The following PTGFR variants were observed in gnomAD, a reference collection of about 807,000 sequenced individuals.
PTGFR encodes the protein prostaglandin F receptor, also known as prostaglandin F2-alpha receptor.
Under a neutral mutation model 26.2 loss-of-function variants are expected in PTGFR, and 15 were observed. That is an observed-to-expected ratio of 0.57 (90% confidence interval 0.38 to 0.88). PTGFR has a LOEUF of 0.88. PTGFR is among the 40% of genes least tolerant of loss of function. PTGFR has a pLI of 0.00. For missense variants in PTGFR, 369 were observed against 427.2 expected (o/e 0.86, Z 1.20); for synonymous variants, 165 against 151.1 (o/e 1.09, Z -0.68).
At chr1:78,501,164 G>A (rs1649695694) in intron 2 of PTGFR, among the ~76,000 whole-genome samples, 1 of 152,036 alleles carries the variant, frequency 6.6e-6, no homozygotes, top group African/African-American at 2.4e-5. Context: ...CTGGCTTAAA[G>A]GGTTTTGGGC....
intron 2 of PTGFR, among the ~76,000 whole-genome samples, chr1:78,516,799 AG>A (rs1177442671): frequency 1.3e-5 from 2 of 152,126 alleles, no homozygotes; most frequent in Admixed American, 6.6e-5. Context: ...TGTCATTGAA[AG>A]GTTAAAACCA....
chr1:78,519,446 T>C (rs918844464), intron 2 of PTGFR, among the ~76,000 whole-genome samples: 3 of 152,170 alleles, frequency 2.0e-5, no homozygotes, highest in Non-Finnish European at 4.4e-5. Context: ...TTTCACATAA[T>C]ATCTGGTAAG....
At chr1:78,522,018 T>C (rs1301886540) in intron 2 of PTGFR, among the ~76,000 whole-genome samples, 1 of 151,324 alleles carries the variant, frequency 6.6e-6, no homozygotes, top group African/African-American at 2.5e-5. Context: ...GTGTCTGAGA[T>C]GAAGGTAGGA....
intron 2 of PTGFR, among the ~76,000 whole-genome samples, chr1:78,530,111 TA>T (rs1650467979): frequency 6.6e-6 from 1 of 151,914 alleles, no homozygotes; most frequent in Admixed American, 6.6e-5. Context: ...ATGGGACAGA[TA>T]AGAAGAAGGA....
intron 2 of PTGFR, 124 bp from the exon 3 acceptor site, chr1:78,536,282 A>AC (rs35093399): frequency 0.042 from 37,895 of 908,602 alleles, 998 homozygotes; most frequent in Non-Finnish European, 0.055. Flanking sequence ...TTCTGTCAGT[A>AC]TTTTAAACAA....
intron 2 of PTGFR, among the ~76,000 whole-genome samples, chr1:78,494,588 C>T (rs1255831502): frequency 6.6e-6 from 1 of 151,910 alleles, no homozygotes; most frequent in Non-Finnish European, 1.5e-5. Context: ...AGAATTGTTG[C>T]TAGTGCAGGT....
intron 2 of PTGFR, among the ~76,000 whole-genome samples, chr1:78,501,256 T>G (rs1442471144): frequency 2.0e-5 from 3 of 152,216 alleles, no homozygotes; most frequent in Admixed American, 6.5e-5. Flanking sequence ...CAGTTTTAGC[T>G]TTATTTGCTT....
intron 2 of PTGFR, among the ~76,000 whole-genome samples, chr1:78,499,844 C>T (rs1381589503): frequency 6.6e-6 from 1 of 152,128 alleles, no homozygotes; most frequent in East Asian, 1.9e-4. Context: ...CCAAATGGTG[C>T]TTGGTGGCTT....
At chr1:78,528,316 A>T (rs924268198) in intron 2 of PTGFR, among the ~76,000 whole-genome samples, 1 of 150,146 alleles carries the variant, frequency 6.7e-6, no homozygotes, top group African/African-American at 2.4e-5. Flanking sequence ...AAAAAAAAAA[A>T]AAAAAAGCAC....
At chr1:78,499,371 T>G (rs1195963042) in intron 2 of PTGFR, among the ~76,000 whole-genome samples, 1 of 152,266 alleles carries the variant, frequency 6.6e-6, no homozygotes, top group Non-Finnish European at 1.5e-5. Flanking sequence ...TGGTTGTTGC[T>G]GGGCTTTTGC....
intron 2 of PTGFR, among the ~76,000 whole-genome samples, chr1:78,524,906 A>ATTTTTTTTTTTTTTTTTTT (rs35641651): frequency 8.5e-5 from 6 of 70,522 alleles, no homozygotes; most frequent in Admixed American, 2.2e-4. Flanking sequence ...CAAATGCAAG[A>ATTTTTTTTTTTTTTTTTTT]TTTTTTTTTT....
intron 2 of PTGFR, among the ~76,000 whole-genome samples, chr1:78,504,276 C>T (rs1456364932): frequency 6.6e-6 from 1 of 152,080 alleles, no homozygotes; most frequent in Non-Finnish European, 1.5e-5. Context: ...GAAATAACTA[C>T]TGTTAGTATT....
At chr1:78,491,973 C>T (rs547864399) in intron 1 of PTGFR, among the ~76,000 whole-genome samples, 2 of 152,316 alleles carry the variant, frequency 1.3e-5, no homozygotes, top group South Asian at 4.1e-4. Flanking sequence ...AGGATCTTGG[C>T]CGAGGTGCAC....
At chr1:78,495,573 T>C (rs745888386) in intron 2 of PTGFR, among the ~76,000 whole-genome samples, 1 of 152,186 alleles carries the variant, frequency 6.6e-6, no homozygotes, top group Admixed American at 6.5e-5. Context: ...AACAGTGAAA[T>C]AGTGAAGTGT....
At chr1:78,515,929 C>A (rs920847211) in intron 2 of PTGFR, among the ~76,000 whole-genome samples, 1 of 152,158 alleles carries the variant, frequency 6.6e-6, no homozygotes, top group Non-Finnish European at 1.5e-5. Flanking sequence ...GTGAATGAAA[C>A]AACGTCCTTA....
At position 78,504,833 on chromosome 1, in the gene PTGFR, C is replaced by A. The variant is rs376426530; in HGVS notation, c.798+11292C>A. 3.3e-5 allele frequency among the ~76,000 whole-genome samples: 5 copies of A among 152,096 alleles called. No homozygotes were observed. The East Asian group carries it at 7.7e-4, about 23-fold the overall frequency. ...CTCTTCCTGCAACCTGTTTTAAATT[C>A]CTACCTTTATTATATATAACATTCT... On this transcript the variant is annotated intron_variant, in intron 2 of 2. Transcript: ENST00000370757.
chr1:78,501,017 A>T (rs2100356741), intron 2 of PTGFR, among the ~76,000 whole-genome samples: 1 of 152,116 alleles, frequency 6.6e-6, no homozygotes, highest in African/African-American at 2.4e-5. Flanking sequence ...TTTTTTTAAG[A>T]AGAAAGACTT....
chr1:78,507,112 C>T (rs1035966534), intron 2 of PTGFR, among the ~76,000 whole-genome samples: 2 of 152,156 alleles, frequency 1.3e-5, no homozygotes, highest in African/African-American at 2.4e-5. Flanking sequence ...ATATTTGGAG[C>T]TTCCCCTCTC....
At chr1:78,491,779 G>A (rs1000556489) in intron 1 of PTGFR, among the ~76,000 whole-genome samples, 3 of 152,220 alleles carry the variant, frequency 2.0e-5, no homozygotes, top group Admixed American at 6.5e-5. Context: ...GGAAAGGCTG[G>A]CTCCGGAATT....
Sources: allele counts gnomAD v4.1 joint callset (sites outside exome capture counted in the v4.1 genomes callset), GRCh38; gene constraint gnomAD v4.1.1; transcripts MANE v1.5; gene names NCBI Gene and HGNC (gene_info 2026-07-23, HGNC 2026-07-21).